The following POLA2 variants were observed in gnomAD, a reference collection of about 807,000 sequenced individuals.
The protein encoded by POLA2 is DNA polymerase alpha 2, accessory subunit, also known as DNA polymerase alpha subunit B.
A neutral mutation model predicts 82.8 loss-of-function variants in POLA2; 47 were observed. The ratio of observed to expected loss-of-function variants is 0.57; its 90% CI spans 0.45 to 0.72. POLA2 has a LOEUF of 0.72. Ranked by LOEUF, POLA2 falls within the 30% of genes least tolerant of loss-of-function variation. POLA2 has a pLI of 0.00. For synonymous variants in POLA2, 287 were observed against 286.8 expected (o/e 1.00, Z -0.01); for missense variants, 634 against 728.1 (o/e 0.87, Z 1.49).
intron 10 of POLA2, among the ~76,000 whole-genome samples, chr11:65,284,842 TAAGCACAG>T (rs1227553404): frequency 1.3e-4 from 20 of 152,144 alleles, no homozygotes; most frequent in Non-Finnish European, 2.6e-4. Context: ...GGCATTTTTG[TAAGCACAG>T]TGGAGCACTG....
intron 17 of POLA2, 169 bp downstream of exon 17, chr11:65,296,159 A>T: frequency 1.5e-6 from 1 of 682,264 alleles, no homozygotes; most frequent in Admixed American, 2.3e-5. Context: ...CAGAAAACAA[A>T]CAACTCTGTC....
chr11:65,285,892 C>G (rs1322017522), intron 10 of POLA2, among the ~76,000 whole-genome samples: 4 of 152,186 alleles, frequency 2.6e-5, no homozygotes, highest in African/African-American at 9.7e-5. Flanking sequence ...TCCCCTACCC[C>G]ACCACCACAT....
chr11:65,287,854 G>A lies in POLA2; in HGVS notation c.1131+14G>A, dbSNP rs1473799143. 5.6e-6 allele frequency: 9 copies of A among 1,611,414 alleles called. No homozygotes were observed. Among genetic ancestry groups the A allele is most frequent in the Non-Finnish European group, 7.6e-6 (9 of 1,178,728 alleles). On this transcript the variant is annotated intron_variant, in intron 11 of 17. Coordinates refer to ENST00000265465, the MANE Select transcript of POLA2 (RefSeq NM_002689.4). Reference sequence around the variant, plus strand: ...GTCTGCATCCTGGTAAGAGGCACCAGTGGGAAAGCTGAGGAGTCAGCCTTG... The same window carrying A: ...GTCTGCATCCTGGTAAGAGGCACCAATGGGAAAGCTGAGGAGTCAGCCTTG...
rs2137547189 is a variant in POLA2 at position 65,282,471 on chromosome 11, GT to G, written c.964-3del. 1 of 1,613,394 alleles carries G rather than the reference GT, an allele frequency of 6.2e-7. No individual in the cohort carries two copies. The highest frequency in any genetic ancestry group is 2.2e-5 in the East Asian group (1 of 44,862). On this transcript the variant is annotated splice_polypyrimidine_tract_variant and splice_region_variant and intron_variant, in intron 9 of 17. Transcript: ENST00000265465. ...AAGACCTTACTTGAGCTTTTCCCCTGTTTTTAGGGTGTGCCACTTCCATTTT... is the reference window on the plus strand; with the variant it reads ...AAGACCTTACTTGAGCTTTTCCCCTGTTTTAGGGTGTGCCACTTCCATTTT...
chr11:65,299,159 G>A (rs1949843840), downstream of POLA2, among the ~76,000 whole-genome samples: 1 of 152,208 alleles, frequency 6.6e-6, no homozygotes, highest in Admixed American at 6.5e-5. Flanking sequence ...CTCTGGGGGC[G>A]TGTCAGTGAC....
intron 5 of POLA2, among the ~76,000 whole-genome samples, chr11:65,277,696 C>T (rs1949596319): frequency 6.6e-6 from 1 of 152,112 alleles, no homozygotes; most frequent in Admixed American, 6.5e-5. Context: ...TACAACTGTC[C>T]TCATGTGAGC....
rs189284056 is a variant in POLA2 at position 65,297,659 on chromosome 11, A to C, written c.*390A>C. 1 of 157,274 alleles carries C rather than the reference A, an allele frequency of 6.4e-6. No individual in the cohort carries two copies. Among genetic ancestry groups the C allele is most frequent in the East Asian group, 1.9e-4 (1 of 5,390 alleles). The allele number at this position is 157,274 out of a possible 1,614,324, so 9.7% of individuals were successfully genotyped here. On this transcript the variant is annotated 3_prime_UTR_variant, in exon 18 of 18. Transcript: ENST00000265465. ...TTCTTCTATTTTCTTTTATTTATTT[A>C]TTTTGTTTTTAGACGGAGTCTCGAT...
intron 13 of POLA2, among the ~76,000 whole-genome samples, chr11:65,293,474 G>A (rs1159289177): frequency 1.3e-5 from 2 of 151,980 alleles, no homozygotes; most frequent in African/African-American, 4.8e-5. Context: ...GGTGGGTGTG[G>A]TGGTGTGCAC....
At chr11:65,289,503 G>A (rs1273104709) in intron 12 of POLA2, among the ~76,000 whole-genome samples, 2 of 152,192 alleles carry the variant, frequency 1.3e-5, no homozygotes, top group African/African-American at 4.8e-5. Context: ...CATGGCTGAG[G>A]TCTGGGACCT....
At chr11:65,268,531 A>T (rs1354988851) in intron 3 of POLA2, 141 bp from the exon 4 acceptor site, 1 of 543,590 alleles carries the variant, frequency 1.8e-6, no homozygotes, top group African/African-American at 2.0e-5. Flanking sequence ...TTTAGTAGAG[A>T]CGGGGTTTCA....
chr11:65,281,553 A>G, intron 8 of POLA2, 117 bp from the exon 9 acceptor site: 1 of 749,726 alleles, frequency 1.3e-6, no homozygotes. Context: ...AAATGCCCTA[A>G]GTTTATGATT....
chr11:65,287,581 C>G, intron 10 of POLA2, 135 bp from the exon 11 acceptor site: 1 of 706,340 alleles, frequency 1.4e-6, no homozygotes. Context: ...GTCTTCCTTA[C>G]CTTGGGTCCC....
intron 6 of POLA2, 123 bp downstream of exon 6, chr11:65,279,046 T>A: frequency 1.3e-6 from 1 of 759,972 alleles, no homozygotes; most frequent in Non-Finnish European, 2.1e-6. Context: ...TATGAGTTGG[T>A]AGATGTCCTC....
chr11:65,269,797 T>C (rs1326490728), intron 4 of POLA2, among the ~76,000 whole-genome samples: 3 of 152,178 alleles, frequency 2.0e-5, no homozygotes, highest in Non-Finnish European at 2.9e-5. Flanking sequence ...CATTGCCCTA[T>C]GCAATGTATT....
intron 5 of POLA2, among the ~76,000 whole-genome samples, chr11:65,277,282 A>G (rs1382436373): frequency 2.7e-5 from 4 of 149,824 alleles, no homozygotes; most frequent in Non-Finnish European, 4.4e-5. Context: ...GGCTCAGGTG[A>G]TCCTCCTACC....
In POLA2 at chr11:65,263,364, C is replaced by T. The variant is rs1379558130; in HGVS notation, c.79+993C>T. ...CCTCCCAAGTAGCTGGGATTACAGGCGCCCGCCACCAGGCCCGACTAATTT... is the reference window on the plus strand; with the variant it reads ...CCTCCCAAGTAGCTGGGATTACAGGTGCCCGCCACCAGGCCCGACTAATTT... On this transcript the variant is annotated intron_variant, in intron 1 of 17. Transcript: ENST00000265465. Among the ~76,000 whole-genome samples the T allele has an allele frequency of 4.0e-5, 6 of 151,746 alleles. No individual in the cohort carries two copies. The East Asian group carries it at 9.7e-4, about 25-fold the overall frequency.
intron 4 of POLA2, among the ~76,000 whole-genome samples, chr11:65,274,657 G>A (rs1949558121): frequency 6.6e-6 from 1 of 150,876 alleles, no homozygotes; most frequent in African/African-American, 2.4e-5. Flanking sequence ...CCCAGCGTGG[G>A]TGACAGTGAC....
chr11:65,273,932 A>G (rs1426185082), intron 4 of POLA2, among the ~76,000 whole-genome samples: 1 of 152,176 alleles, frequency 6.6e-6, no homozygotes, highest in Admixed American at 6.5e-5. Context: ...TTTTTAATTT[A>G]AAATCTTAAT....
intron 10 of POLA2, 128 bp downstream of exon 10, chr11:65,282,649 C>T (rs991509883): frequency 6.4e-6 from 5 of 782,070 alleles, no homozygotes; most frequent in Non-Finnish European, 8.9e-6. Context: ...GCAGTGAGGG[C>T]GCCACCATCA....
Sources: allele counts gnomAD v4.1 joint callset (sites outside exome capture counted in the v4.1 genomes callset), GRCh38; gene constraint gnomAD v4.1.1; transcripts MANE v1.5; gene names NCBI Gene and HGNC (gene_info 2026-07-23, HGNC 2026-07-21).